The following SLC9A9 variants were observed in gnomAD, a reference collection of about 807,000 sequenced individuals.
SLC9A9 encodes sodium/hydrogen exchanger 9.
In SLC9A9, 62 loss-of-function variants were observed where a neutral mutation model predicts 77.8. That is an observed-to-expected ratio of 0.80 (90% CI 0.65 to 0.98). The LOEUF (loss-of-function observed/expected upper bound fraction) is 0.98, where lower values mean the gene tolerates loss of function less well. Among genes scored for constraint, SLC9A9 ranks in the 50% least tolerant of loss-of-function variants. The pLI is 0.00. For missense variants in SLC9A9, 775 were observed against 774.9 expected (o/e 1.00, Z 0.00); for synonymous variants, 320 against 283.5 (o/e 1.13, Z -1.29).
At position 143,647,455 on chromosome 3, in the gene SLC9A9, G is replaced by A. The variant is rs149278823; in HGVS notation, c.755+4800C>T. Among the ~76,000 whole-genome samples the A allele has an allele frequency of 7.9e-4, 121 of 152,218 alleles. 2 individuals are homozygous for A. The Middle Eastern group carries it at 0.01, about 13-fold the overall frequency. On this transcript the variant is annotated intron_variant, in intron 6 of 15. Transcript: ENST00000316549. ...TCTGCTTTTGATATCTTGATCACCT[G>A]AAGAAGAATACATAAGTAAATATAA...
At chr3:143,530,185 G>C (rs1439567696) in intron 9 of SLC9A9, among the ~76,000 whole-genome samples, 1 of 152,196 alleles carries the variant, frequency 6.6e-6, no homozygotes, top group Non-Finnish European at 1.5e-5. Context: ...ATATTCAAGT[G>C]ATAATTACTA....
intron 4 of SLC9A9, among the ~76,000 whole-genome samples, chr3:143,724,436 G>C (rs1050378068): frequency 1.3e-5 from 2 of 152,160 alleles, no homozygotes; most frequent in Non-Finnish European, 2.9e-5. Context: ...CTTTATAGCA[G>C]TGTGAGAATG....
At chr3:143,746,780 T>G (rs1438458266) in intron 4 of SLC9A9, among the ~76,000 whole-genome samples, 1 of 152,170 alleles carries the variant, frequency 6.6e-6, no homozygotes, top group Non-Finnish European at 1.5e-5. Context: ...AGAAAAATAT[T>G]TGGCTAAAAT....
intron 11 of SLC9A9, among the ~76,000 whole-genome samples, chr3:143,479,044 G>T (rs915883008): frequency 2.6e-5 from 4 of 152,152 alleles, no homozygotes; most frequent in African/African-American, 7.2e-5. Context: ...TTATTACTCA[G>T]TTCTCTCAGA....
At chr3:143,839,694 T>C (rs1444484733) in intron 1 of SLC9A9, among the ~76,000 whole-genome samples, 1 of 152,222 alleles carries the variant, frequency 6.6e-6, no homozygotes, top group Non-Finnish European at 1.5e-5. Context: ...AGATAACTTT[T>C]CTTTAGAAAC....
At chr3:143,519,122 C>T (rs1419554389) in intron 9 of SLC9A9, among the ~76,000 whole-genome samples, 3 of 151,872 alleles carry the variant, frequency 2.0e-5, no homozygotes, top group Admixed American at 6.6e-5. Flanking sequence ...CTTTTTGGAA[C>T]ATAAATTATG....
chr3:143,734,732 C>CAA (rs532314682), intron 4 of SLC9A9, among the ~76,000 whole-genome samples: 70 of 66,072 alleles, frequency 1.1e-3, no homozygotes, highest in Middle Eastern at 8.8e-3. Context: ...GACTCCATCT[C>CAA]AAAAAAAAAA....
chr3:143,807,894 TC>T (rs2008765790), intron 2 of SLC9A9, among the ~76,000 whole-genome samples: 1 of 152,124 alleles, frequency 6.6e-6, no homozygotes, highest in South Asian at 2.1e-4. Context: ...TGGGAGGTGA[TC>T]CCAAATGGAG....
intron 10 of SLC9A9, 102 bp downstream of exon 10, chr3:143,495,233 G>T: frequency 1.0e-6 from 1 of 991,670 alleles, no homozygotes. Context: ...GCCTTGCAGT[G>T]GACTTTAGGA....
chr3:143,799,750 G>A (rs899004579), intron 2 of SLC9A9, among the ~76,000 whole-genome samples: 1 of 152,210 alleles, frequency 6.6e-6, no homozygotes, highest in Admixed American at 6.5e-5. Flanking sequence ...TCAGCTTAGC[G>A]GCTGAAGACC....
chr3:143,818,215 TA>T (rs2009071467), intron 2 of SLC9A9, among the ~76,000 whole-genome samples: 1 of 152,222 alleles, frequency 6.6e-6, no homozygotes, highest in African/African-American at 2.4e-5. Context: ...AAATCACATA[TA>T]TTTTTTAAAT....
At chr3:143,450,382 C>T (rs2034984404) in intron 12 of SLC9A9, among the ~76,000 whole-genome samples, 1 of 150,832 alleles carries the variant, frequency 6.6e-6, no homozygotes, top group Non-Finnish European at 1.5e-5. Context: ...AGAAAGTGGT[C>T]ATGCTATTTT....
intron 12 of SLC9A9, among the ~76,000 whole-genome samples, chr3:143,413,099 T>C (rs528641606): frequency 6.6e-5 from 10 of 152,306 alleles, no homozygotes; most frequent in African/African-American, 1.7e-4. Context: ...GGTGATGTTA[T>C]TGAACAGAGA....
chr3:143,406,463 C>T (rs983697611), intron 12 of SLC9A9, among the ~76,000 whole-genome samples: 6 of 151,740 alleles, frequency 4.0e-5, no homozygotes, highest in African/African-American at 9.7e-5. Context: ...CTGCAACCTC[C>T]GCCTCCTGGG....
chr3:143,448,100 C>A (rs1294221364), intron 12 of SLC9A9, among the ~76,000 whole-genome samples: 3 of 152,082 alleles, frequency 2.0e-5, no homozygotes, highest in African/African-American at 7.2e-5. Flanking sequence ...GGGTGGAGAT[C>A]CCAGGAGTAG....
intron 4 of SLC9A9, among the ~76,000 whole-genome samples, chr3:143,764,741 T>C (rs1194885057): frequency 3.3e-5 from 5 of 152,056 alleles, no homozygotes; most frequent in Non-Finnish European, 5.9e-5. Context: ...ATTTATTTAT[T>C]TATCTATCTA....
At chr3:143,797,345 A>C (rs1236257720) in intron 2 of SLC9A9, among the ~76,000 whole-genome samples, 1 of 152,178 alleles carries the variant, frequency 6.6e-6, no homozygotes, top group Non-Finnish European at 1.5e-5. Context: ...CTTGAACTTG[A>C]AAATTGATTT....
In SLC9A9 at chr3:143,701,530, C is replaced by T. The variant is rs543980680; in HGVS notation, c.534-8223G>A. Among the ~76,000 whole-genome samples the T allele has an allele frequency of 1.3e-4, 20 of 152,120 alleles. No individual in the cohort carries two copies. The South Asian group carries it at 3.9e-3, about 30-fold the overall frequency. On this transcript the variant is annotated intron_variant, in intron 4 of 15. Coordinates refer to ENST00000316549, the MANE Select transcript of SLC9A9 (RefSeq NM_173653.4). ...GCAATTGACACATGAAAGAATGCAT[C>T]GGAGTCTTTCAACAGCAGAATTGAT...
At chr3:143,349,274 G>C (rs866914074) in intron 14 of SLC9A9, among the ~76,000 whole-genome samples, 1 of 152,190 alleles carries the variant, frequency 6.6e-6, no homozygotes, top group African/African-American at 2.4e-5. Flanking sequence ...CCTGAAAGGA[G>C]AGGGATGGTG....
Sources: allele counts gnomAD v4.1 joint callset (sites outside exome capture counted in the v4.1 genomes callset), GRCh38; gene constraint gnomAD v4.1.1; transcripts MANE v1.5; gene names NCBI Gene and HGNC (gene_info 2026-07-23, HGNC 2026-07-21).